Variants in PPP1R12B observed in about 807,000 individuals in gnomAD.
The protein encoded by PPP1R12B is myosin phosphatase target subunit 2.
A neutral mutation model predicts 126.1 loss-of-function variants in PPP1R12B; 76 were observed. The ratio of observed to expected loss-of-function variants is 0.60; its 90% CI spans 0.50 to 0.73. PPP1R12B has a LOEUF of 0.73. PPP1R12B is among the 30% of genes least tolerant of loss of function. The pLI is 0.00. For synonymous variants in PPP1R12B, 356 were observed against 434.7 expected, an observed-to-expected ratio of 0.82 and a Z score of 2.25; for missense variants, 1,052 against 1,205.1, an observed-to-expected ratio of 0.87 and a Z score of 1.88.
rs376755496 is a variant in PPP1R12B at position 202,413,708 on chromosome 1, C to T, written c.292-3079C>T. On this transcript the variant is annotated intron_variant, in intron 1 of 23. Coordinates refer to ENST00000608999, the MANE Select transcript of PPP1R12B (RefSeq NM_002481.4). ...CCTGCTTACATGTTAATATAAATTA[C>T]ATATTTTAATTAAAAATAGTGATAT... is the stretch of plus-strand genomic sequence containing the variant. Among the ~76,000 whole-genome samples the T allele has an allele frequency of 2.2e-4, 33 of 152,182 alleles. 1 individual carries two copies. The South Asian group carries it at 3.7e-3, about 17-fold the overall frequency.
intron 18 of PPP1R12B, among the ~76,000 whole-genome samples, chr1:202,512,595 G>T (rs894989174): frequency 7.2e-5 from 11 of 152,106 alleles, no homozygotes; most frequent in African/African-American, 2.4e-4. Flanking sequence ...TCCTTGTTTT[G>T]TAGGCTTGAT....
chr1:202,492,452 G>A (rs1464669416), intron 14 of PPP1R12B, among the ~76,000 whole-genome samples: 4 of 152,124 alleles, frequency 2.6e-5, no homozygotes, highest in Non-Finnish European at 4.4e-5. Flanking sequence ...TACTTGAGTT[G>A]GAATCAGCTC....
chr1:202,443,793 C>T (rs939298199), intron 12 of PPP1R12B, among the ~76,000 whole-genome samples: 2 of 152,164 alleles, frequency 1.3e-5, no homozygotes, highest in Admixed American at 6.5e-5. Flanking sequence ...ATTTAATTTC[C>T]AGGCATGGAG....
At chr1:202,422,224 T>C (rs184896200) in intron 2 of PPP1R12B, among the ~76,000 whole-genome samples, 1 of 152,352 alleles carries the variant, frequency 6.6e-6, no homozygotes, top group African/African-American at 2.4e-5. Flanking sequence ...TAGGCAGATT[T>C]ATGCAAATTT....
intron 13 of PPP1R12B, among the ~76,000 whole-genome samples, chr1:202,472,427 C>T (rs1364976040): frequency 6.6e-6 from 1 of 152,138 alleles, no homozygotes; most frequent in African/African-American, 2.4e-5. Context: ...TGGCCAGGTC[C>T]AGCTGGTATA....
chr1:202,548,800 CTCTCTCTCTATATATATA>C (rs1330537654), intron 18 of PPP1R12B, among the ~76,000 whole-genome samples: 1 of 104,740 alleles, frequency 9.5e-6, no homozygotes, highest in African/African-American at 3.3e-5. Flanking sequence ...CTCTCTCTCT[CTCTCTCTCTATATATATA>C]TATATATATA....
At chr1:202,431,919 A>G (rs948312778) in intron 8 of PPP1R12B, among the ~76,000 whole-genome samples, 8 of 152,210 alleles carry the variant, frequency 5.3e-5, no homozygotes, top group Non-Finnish European at 1.2e-4. Context: ...TTTAAGTTCA[A>G]GACAGCTTGG....
At chr1:202,516,099 A>G (rs1682115954) in intron 18 of PPP1R12B, among the ~76,000 whole-genome samples, 1 of 152,226 alleles carries the variant, frequency 6.6e-6, no homozygotes, top group Non-Finnish European at 1.5e-5. Flanking sequence ...CACATAGGTC[A>G]TTTCTTTAAA....
intron 13 of PPP1R12B, among the ~76,000 whole-genome samples, chr1:202,487,986 A>G (rs923535700): frequency 2.1e-4 from 32 of 152,206 alleles, no homozygotes; most frequent in African/African-American, 7.7e-4. Flanking sequence ...CTATAAATAC[A>G]TATCTACACT....
intron 1 of PPP1R12B, among the ~76,000 whole-genome samples, chr1:202,366,175 A>G (rs771726806): frequency 1.3e-5 from 2 of 152,178 alleles, no homozygotes; most frequent in African/African-American, 2.4e-5. Context: ...AGAAGACGAC[A>G]TTTGTGTAAG....
chr1:202,542,460 T>C (rs1685225229), intron 18 of PPP1R12B, among the ~76,000 whole-genome samples: 1 of 152,204 alleles, frequency 6.6e-6, no homozygotes, highest in African/African-American at 2.4e-5. Context: ...AAACCCCATA[T>C]TCCCAGCAAC....
intron 19 of PPP1R12B, among the ~76,000 whole-genome samples, chr1:202,561,191 T>C (rs1184784597): frequency 6.6e-6 from 1 of 152,068 alleles, no homozygotes; most frequent in Non-Finnish European, 1.5e-5. Flanking sequence ...AATATTAAAA[T>C]TAATGACAGA....
At chr1:202,414,680 A>G (rs1667832606) in intron 1 of PPP1R12B, among the ~76,000 whole-genome samples, 1 of 152,220 alleles carries the variant, frequency 6.6e-6, no homozygotes, top group South Asian at 2.1e-4. Context: ...GAATAATCAT[A>G]ATTTGTTGGT....
At chr1:202,409,287 C>T (rs1256763409) in intron 1 of PPP1R12B, among the ~76,000 whole-genome samples, 2 of 151,132 alleles carry the variant, frequency 1.3e-5, no homozygotes, top group Non-Finnish European at 2.9e-5. Context: ...TTTTACATTC[C>T]CCTGAGCAGT....
At chr1:202,457,506 T>C (rs1220236565) in intron 13 of PPP1R12B, among the ~76,000 whole-genome samples, 2 of 151,474 alleles carry the variant, frequency 1.3e-5, no homozygotes, top group Non-Finnish European at 2.9e-5. Flanking sequence ...TGAGCTGAGA[T>C]TGCGCCATTG....
chr1:202,521,449 A>G (rs1315042738), intron 18 of PPP1R12B, among the ~76,000 whole-genome samples: 1 of 152,240 alleles, frequency 6.6e-6, no homozygotes, highest in East Asian at 1.9e-4. Flanking sequence ...TAAAATTCTC[A>G]ATATATGTAC....
At chr1:202,388,365 G>A (rs1663518956) in intron 1 of PPP1R12B, among the ~76,000 whole-genome samples, 1 of 151,804 alleles carries the variant, frequency 6.6e-6, no homozygotes, top group East Asian at 1.9e-4. Flanking sequence ...TAGTAGAGAC[G>A]AGGCTAATTT....
intron 11 of PPP1R12B, among the ~76,000 whole-genome samples, chr1:202,441,371 A>G (rs1671596745): frequency 6.6e-6 from 1 of 152,112 alleles, no homozygotes; most frequent in African/African-American, 2.4e-5. Flanking sequence ...TATGTTTCCC[A>G]GGATGGTCTC....
At chr1:202,550,340 T>C (rs1686180834) in intron 18 of PPP1R12B, among the ~76,000 whole-genome samples, 1 of 152,196 alleles carries the variant, frequency 6.6e-6, no homozygotes, top group Non-Finnish European at 1.5e-5. Flanking sequence ...CTTCCCAGGC[T>C]TCATGGAAAG....
Sources: gnomAD v4.1 joint callset for allele counts (sites outside exome capture counted in the v4.1 genomes callset) on GRCh38, gnomAD v4.1.1 for gene constraint, MANE v1.5 for transcripts, NCBI Gene and HGNC (gene_info 2026-07-23, HGNC 2026-07-21) for gene names.